The following PRKG1 variants were observed in gnomAD, a reference collection of about 807,000 sequenced individuals.
The protein encoded by PRKG1 is cGMP-dependent protein kinase 1.
Under a neutral mutation model 88.1 loss-of-function variants are expected in PRKG1, and 35 were observed. That is an observed-to-expected ratio of 0.40 (90% CI 0.30 to 0.53). The LOEUF (loss-of-function observed/expected upper bound fraction) is 0.53. Among genes scored for constraint, PRKG1 ranks in the 20% least tolerant of loss-of-function variants. PRKG1 has a pLI of 0.59. For missense variants in PRKG1, 540 were observed against 839.8 expected (o/e 0.64, Z 4.41); for synonymous variants, 303 against 292.5 (o/e 1.04, Z -0.37).
At chr10:52,203,996 T>C (rs1216978603) in intron 9 of PRKG1, among the ~76,000 whole-genome samples, 1 of 152,160 alleles carries the variant, frequency 6.6e-6, no homozygotes, top group Non-Finnish European at 1.5e-5. Context: ...GCCTCTTCAT[T>C]GTGGCATTTA....
At chr10:51,444,414 A>G (rs1839211762) in intron 2 of PRKG1, among the ~76,000 whole-genome samples, 1 of 151,870 alleles carries the variant, frequency 6.6e-6, no homozygotes, top group East Asian at 1.9e-4. Flanking sequence ...TGCCTCCCTA[A>G]CCAGTTCCAT....
At chr10:52,037,380 G>A (rs1175687614) in intron 5 of PRKG1, among the ~76,000 whole-genome samples, 2 of 152,208 alleles carry the variant, frequency 1.3e-5, no homozygotes, top group Non-Finnish European at 2.9e-5. Flanking sequence ...TTGAAGGCGA[G>A]GTTAATTAAA....
chr10:51,996,254 G>A (rs1359609118), intron 5 of PRKG1, among the ~76,000 whole-genome samples: 4 of 137,906 alleles, frequency 2.9e-5, no homozygotes, highest in Non-Finnish European at 6.1e-5. Context: ...AGTGGAGGTT[G>A]CAGTGAGCTG....
At chr10:51,896,051 G>A (rs556001104) in intron 4 of PRKG1, among the ~76,000 whole-genome samples, 76 of 152,230 alleles carry the variant, frequency 5.0e-4, no homozygotes, top group African/African-American at 1.8e-3. Context: ...GATTCAGGTA[G>A]GACCTTGAGG....
intron 1 of PRKG1, among the ~76,000 whole-genome samples, chr10:51,119,140 T>A (rs1413931042): frequency 6.6e-6 from 1 of 152,128 alleles, no homozygotes; most frequent in Non-Finnish European, 1.5e-5. Flanking sequence ...GTTCACTTGC[T>A]AAATTCATAT....
chr10:51,630,858 C>T (rs552454305), intron 3 of PRKG1, among the ~76,000 whole-genome samples: 4 of 152,320 alleles, frequency 2.6e-5, no homozygotes, highest in South Asian at 2.1e-4. Flanking sequence ...GGAGCTTCAG[C>T]GCTGTGGTTA....
At chr10:51,517,504 G>A (rs911402501) in intron 3 of PRKG1, among the ~76,000 whole-genome samples, 6 of 152,140 alleles carry the variant, frequency 3.9e-5, no homozygotes, top group African/African-American at 1.4e-4. Context: ...GACTTCTAAG[G>A]TTTAGCTTAA....
intron 2 of PRKG1, among the ~76,000 whole-genome samples, chr10:51,210,995 G>A (rs1250296413): frequency 6.6e-6 from 1 of 152,066 alleles, no homozygotes; most frequent in African/African-American, 2.4e-5. Context: ...ACCAAAGCCT[G>A]GCAGAGACAC....
chr10:51,786,583 G>A (rs1214715950), intron 3 of PRKG1, among the ~76,000 whole-genome samples: 7 of 152,064 alleles, frequency 4.6e-5, no homozygotes, highest in Admixed American at 3.3e-4. Flanking sequence ...CTCTGAATAC[G>A]TCAGTTGAGC....
intron 3 of PRKG1, among the ~76,000 whole-genome samples, chr10:51,799,597 G>A (rs1839113097): frequency 6.6e-6 from 1 of 151,808 alleles, no homozygotes; most frequent in African/African-American, 2.4e-5. Flanking sequence ...TGAGCTGTGG[G>A]GATCCTAGGA....
At chr10:51,226,235 C>A (rs901726426) in intron 2 of PRKG1, among the ~76,000 whole-genome samples, 3 of 152,080 alleles carry the variant, frequency 2.0e-5, no homozygotes, top group Admixed American at 6.6e-5. Context: ...AAAAATGATT[C>A]TGCATAATGT....
chr10:51,990,734 G>A (rs527871813), intron 5 of PRKG1, among the ~76,000 whole-genome samples: 1 of 152,086 alleles, frequency 6.6e-6, no homozygotes, highest in African/African-American at 2.4e-5. Context: ...TCTACCCTCT[G>A]AGAGGCTCCA....
chr10:52,131,816 C>CATAA (rs1837269204), intron 7 of PRKG1, among the ~76,000 whole-genome samples: 1 of 44,082 alleles, frequency 2.3e-5, no homozygotes, highest in Non-Finnish European at 4.0e-5. Flanking sequence ...GAAACTCCAT[C>CATAA]AAAAAAAAAA....
chr10:51,150,344 T>C (rs1462621304), intron 1 of PRKG1, among the ~76,000 whole-genome samples: 1 of 152,232 alleles, frequency 6.6e-6, no homozygotes, highest in East Asian at 1.9e-4. Flanking sequence ...AAAGAAGAAT[T>C]AGATGGAGGC....
intron 3 of PRKG1, among the ~76,000 whole-genome samples, chr10:51,525,770 C>A (rs1231229483): frequency 6.6e-6 from 1 of 151,596 alleles, no homozygotes; most frequent in East Asian, 1.9e-4. Context: ...CATATACCTA[C>A]CACCAACCTT....
chr10:51,529,272 C>T (rs557474199), intron 3 of PRKG1, among the ~76,000 whole-genome samples: 30 of 152,296 alleles, frequency 2.0e-4, no homozygotes, highest in African/African-American at 7.0e-4. Context: ...CTCTGACCTA[C>T]ACTATTGCAT....
chr10:51,074,361 C>A, upstream of PRKG1: 2 of 1,153,440 alleles, frequency 1.7e-6, no homozygotes, highest in East Asian at 2.8e-5. Flanking sequence ...TTGCTCTCCC[C>A]GCTCTGAGCC....
At chr10:51,045,521 T>G (rs912273137) in intron 1 of PRKG1, among the ~76,000 whole-genome samples, 8 of 152,134 alleles carry the variant, frequency 5.3e-5, no homozygotes, top group Admixed American at 2.0e-4. Flanking sequence ...AGATGAGATT[T>G]TACCATGTTG....
intron 2 of PRKG1, among the ~76,000 whole-genome samples, chr10:51,360,492 C>T (rs749634042): frequency 1.9e-4 from 29 of 151,908 alleles, no homozygotes; most frequent in Admixed American, 3.9e-4. Flanking sequence ...TCCATTATTT[C>T]AGGACAAATA....
Sources: allele counts gnomAD v4.1 joint callset (sites outside exome capture counted in the v4.1 genomes callset), GRCh38; gene constraint gnomAD v4.1.1; transcripts MANE v1.5; gene names NCBI Gene and HGNC (gene_info 2026-07-23, HGNC 2026-07-21).